RABGAP1L: variants seen among roughly 807,000 people sequenced by gnomAD.
The protein encoded by RABGAP1L is RAB GTPase activating protein 1 like, also known as rab GTPase-activating protein 1-like.
Under a neutral mutation model 137.7 loss-of-function variants are expected in RABGAP1L, and 63 were observed. The ratio of observed to expected loss-of-function variants is 0.46; its 90% confidence interval spans 0.37 to 0.56. The LOEUF (loss-of-function observed/expected upper bound fraction) is 0.56. RABGAP1L is among the 20% of genes least tolerant of loss of function. The pLI is 0.00. For missense variants in RABGAP1L, 1,095 were observed against 1,244.0 expected (o/e 0.88, Z 1.80); for synonymous variants, 431 against 433.7 (o/e 0.99, Z 0.08).
intron 22 of RABGAP1L, 45 bp downstream of exon 22, chr1:174,976,227 G>T (rs1670629588): frequency 4.9e-6 from 7 of 1,423,478 alleles, no homozygotes; most frequent in African/African-American, 2.8e-5. Context: ...AGGTATGTTG[G>T]TAGGGAATTA....
At chr1:174,220,265 C>T (rs1669651427) in intron 2 of RABGAP1L, among the ~76,000 whole-genome samples, 1 of 152,036 alleles carries the variant, frequency 6.6e-6, no homozygotes, top group African/African-American at 2.4e-5. Flanking sequence ...GAAATATAAC[C>T]TTTTAAATGA....
chr1:174,942,287 A>T (rs1479506021), intron 19 of RABGAP1L, among the ~76,000 whole-genome samples: 1 of 152,218 alleles, frequency 6.6e-6, no homozygotes, highest in Non-Finnish European at 1.5e-5. Flanking sequence ...CTGGCTCTAG[A>T]TAATAAAGAA....
intron 18 of RABGAP1L, among the ~76,000 whole-genome samples, chr1:174,778,300 GTC>G (rs1311258570): frequency 2.6e-5 from 4 of 152,140 alleles, no homozygotes; most frequent in African/African-American, 9.7e-5. Context: ...ATGCAAAAAT[GTC>G]TCTCAAAAAC....
intron 13 of RABGAP1L, among the ~76,000 whole-genome samples, chr1:174,415,448 A>G (rs921320602): frequency 8.6e-5 from 13 of 151,916 alleles, no homozygotes; most frequent in African/African-American, 2.7e-4. Flanking sequence ...TCCATAGGAG[A>G]GAGCTTTAAT....
chr1:174,273,548 C>CTT (rs35854979), intron 8 of RABGAP1L, among the ~76,000 whole-genome samples: 1 of 145,360 alleles, frequency 6.9e-6, no homozygotes. Context: ...TCTCTTACAT[C>CTT]TTTTTTTTTT....
intron 19 of RABGAP1L, chr1:174,945,548 A>G (rs1476537424): frequency 6.6e-6 from 1 of 152,244 alleles, no homozygotes; most frequent in African/African-American, 2.4e-5. Context: ...TTATTGCTTA[A>G]AAGAAAAACA....
chr1:174,681,055 C>T (rs1228202754), intron 14 of RABGAP1L, among the ~76,000 whole-genome samples: 6 of 152,130 alleles, frequency 3.9e-5, no homozygotes, highest in Non-Finnish European at 8.8e-5. Context: ...AGGAAAAAGA[C>T]TGACAGTATC....
At chr1:174,769,936 G>T (rs1296156844) in intron 18 of RABGAP1L, among the ~76,000 whole-genome samples, 1 of 152,188 alleles carries the variant, frequency 6.6e-6, no homozygotes, top group Non-Finnish European at 1.5e-5. Context: ...ACCAACTTGG[G>T]TTAAAAGTTC....
intron 17 of RABGAP1L, among the ~76,000 whole-genome samples, chr1:174,721,926 G>T (rs1681568326): frequency 6.6e-6 from 1 of 152,128 alleles, no homozygotes; most frequent in Non-Finnish European, 1.5e-5. Context: ...AGTAGGATTT[G>T]ATACTCAATT....
intron 19 of RABGAP1L, among the ~76,000 whole-genome samples, chr1:174,923,255 G>T (rs1219282741): frequency 6.6e-6 from 1 of 151,994 alleles, no homozygotes; most frequent in Admixed American, 6.6e-5. Context: ...TTCAGTAAAT[G>T]TTAGTCATTA....
chr1:174,749,473 G>T (rs575634264), intron 17 of RABGAP1L, among the ~76,000 whole-genome samples: 71 of 152,096 alleles, frequency 4.7e-4, no homozygotes, highest in African/African-American at 1.7e-3. Context: ...GGGACCACAG[G>T]TGTGTACCAC....
intron 14 of RABGAP1L, among the ~76,000 whole-genome samples, chr1:174,679,241 G>T (rs1435756481): frequency 1.3e-5 from 2 of 152,174 alleles, no homozygotes; most frequent in African/African-American, 2.4e-5. Context: ...GAGCTAAGCT[G>T]CAAGCCCCGT....
intron 11 of RABGAP1L, among the ~76,000 whole-genome samples, chr1:174,327,876 A>C (rs1194209520): frequency 6.7e-6 from 1 of 150,164 alleles, no homozygotes; most frequent in Non-Finnish European, 1.5e-5. Context: ...GAATACAAGT[A>C]AAAAATTAGA....
intron 14 of RABGAP1L, among the ~76,000 whole-genome samples, chr1:174,671,303 A>C (rs1557969936): frequency 6.6e-6 from 1 of 152,160 alleles, no homozygotes; most frequent in Non-Finnish European, 1.5e-5. Context: ...CTTCCTTTCC[A>C]ATTTGGATGC....
intron 19 of RABGAP1L, chr1:174,875,589 A>G (rs774922706): frequency 4.1e-5 from 40 of 985,318 alleles, no homozygotes; most frequent in Non-Finnish European, 4.7e-5. Context: ...TATGAAAGCA[A>G]GAGGAATTGC....
chr1:174,210,948 G>A (rs1026313062), intron 1 of RABGAP1L, among the ~76,000 whole-genome samples: 13 of 152,166 alleles, frequency 8.5e-5, no homozygotes, highest in African/African-American at 3.1e-4. Context: ...CATGTTTAAA[G>A]TGCTGAAGGA....
chr1:174,548,130 T>G, intron 13 of RABGAP1L: 1 of 1,514,492 alleles, frequency 6.6e-7, no homozygotes, highest in Middle Eastern at 1.7e-4. Flanking sequence ...AGCAACTTTA[T>G]GGATCATTTC....
At chr1:174,299,255 AC>A (rs1307253651) in intron 10 of RABGAP1L, among the ~76,000 whole-genome samples, 1 of 152,218 alleles carries the variant, frequency 6.6e-6, no homozygotes, top group East Asian at 1.9e-4. Context: ...ATCCTCAAAC[AC>A]TTGTGAGTTG....
intron 13 of RABGAP1L, among the ~76,000 whole-genome samples, chr1:174,632,686 G>A (rs1318011519): frequency 5.4e-5 from 8 of 147,986 alleles, no homozygotes; most frequent in Admixed American, 3.4e-4. Context: ...TGATCGCATC[G>A]GCTCCTGAGG....
Sources: gnomAD v4.1 joint callset for allele counts (sites outside exome capture counted in the v4.1 genomes callset) on GRCh38, gnomAD v4.1.1 for gene constraint, MANE v1.5 for transcripts, NCBI Gene and HGNC (gene_info 2026-07-23, HGNC 2026-07-21) for gene names.